The following MAN1C1 variants were observed in gnomAD, a reference collection of about 807,000 sequenced individuals.
MAN1C1 encodes mannosidase alpha class 1C member 1, also known as mannosyl-oligosaccharide 1,2-alpha-mannosidase IC.
In MAN1C1, 49 loss-of-function variants were observed where a neutral mutation model predicts 71.5. That is an observed-to-expected ratio of 0.69 (90% CI 0.54 to 0.87). MAN1C1 has a LOEUF of 0.87. Ranked by LOEUF, MAN1C1 falls within the 40% of genes least tolerant of loss-of-function variation. The pLI is 0.00. For synonymous variants in MAN1C1, 352 were observed against 343.7 expected, an observed-to-expected ratio of 1.02 and a Z score of -0.27; for missense variants, 743 against 835.0, an observed-to-expected ratio of 0.89 and a Z score of 1.36.
At chr1:25,643,206 T>C (rs1045920855) in intron 1 of MAN1C1, among the ~76,000 whole-genome samples, 2 of 151,618 alleles carry the variant, frequency 1.3e-5, no homozygotes, top group Non-Finnish European at 2.9e-5. Context: ...TTTGTCTGGC[T>C]GCAGTCCTTA....
At chr1:25,734,297 T>C (rs1281317576) in intron 2 of MAN1C1, among the ~76,000 whole-genome samples, 1 of 151,986 alleles carries the variant, frequency 6.6e-6, no homozygotes, top group Non-Finnish European at 1.5e-5. Flanking sequence ...CCCAGCTGAC[T>C]TTTGTATTTT....
intron 7 of MAN1C1, among the ~76,000 whole-genome samples, chr1:25,768,376 C>G (rs1481556530): frequency 8.0e-6 from 1 of 125,010 alleles, no homozygotes; most frequent in Non-Finnish European, 1.7e-5. Context: ...ACTCCCCCCA[C>G]ACACACTCCC....
intron 1 of MAN1C1, among the ~76,000 whole-genome samples, chr1:25,672,315 A>G (rs2046003929): frequency 6.6e-6 from 1 of 152,232 alleles, no homozygotes; most frequent in Admixed American, 6.5e-5. Context: ...TTCCTAACTC[A>G]ACCCACCAAC....
At chr1:25,767,547 TCA>T (rs1481475524) in intron 7 of MAN1C1, among the ~76,000 whole-genome samples, 50 of 96,658 alleles carry the variant, frequency 5.2e-4, no homozygotes, top group African/African-American at 2.1e-3. Flanking sequence ...CACACTCCCC[TCA>T]CACACACTCC....
Position 25,746,811 on chromosome 1 carries a change from G to A in MAN1C1, c.753+28G>A, listed in dbSNP as rs756676062. On this transcript the variant is annotated intron_variant, in intron 3 of 11. Transcript: ENST00000374332. The surrounding 1 kb of genome is among the most constrained non-coding windows in gnomAD (Gnocchi z 4.0). Reference sequence around the variant, plus strand: ...GAGTCAGAGGCCCTCGGCGGGGGAGGGGGGCGGGGGCCAGAAGAGGCCCAA... The same window carrying A: ...GAGTCAGAGGCCCTCGGCGGGGGAGAGGGGCGGGGGCCAGAAGAGGCCCAA... 3.8e-6 allele frequency: 5 copies of A among 1,301,676 alleles called. No individual in the cohort carries two copies. The South Asian group carries it at 6.3e-5, about 16-fold the overall frequency. 80.6% of individuals were successfully genotyped at this position (1,301,676 alleles called of 1,614,324 possible). A position where few individuals can be genotyped will look rare whatever the true frequency, so the allele number is the denominator to read the frequency against.
chr1:25,677,505 G>T (rs147214515), intron 1 of MAN1C1, among the ~76,000 whole-genome samples: 3 of 152,224 alleles, frequency 2.0e-5, no homozygotes, highest in Admixed American at 2.0e-4. Flanking sequence ...TTCTTTTGGT[G>T]CATAGTTCTC....
At chr1:25,705,935 C>G (rs1417957520) in intron 2 of MAN1C1, among the ~76,000 whole-genome samples, 2 of 152,080 alleles carry the variant, frequency 1.3e-5, no homozygotes, top group African/African-American at 4.8e-5. Flanking sequence ...AGAGCAAGAC[C>G]CTATGTCAGA....
chr1:25,640,203 A>G (rs1300246699), intron 1 of MAN1C1, among the ~76,000 whole-genome samples: 2 of 152,162 alleles, frequency 1.3e-5, no homozygotes, highest in African/African-American at 2.4e-5. Flanking sequence ...TGTGAAGTAA[A>G]TATCATATTT....
rs371699565 is a variant in MAN1C1, at chr1:25,717,016, C to T, written c.638-29652C>T. On this transcript the variant is annotated intron_variant, in intron 2 of 11. Coordinates refer to ENST00000374332, the MANE Select transcript of MAN1C1 (RefSeq NM_020379.4). ...GTCCATAGTTGCTCCTGTGTATTGT[C>T]GAGTAGTATTCCGTCATATGGATAT... 8.5e-5 allele frequency among the ~76,000 whole-genome samples: 13 copies of T among 152,178 alleles called. No homozygotes were observed. In the East Asian group the frequency reaches 2.1e-3, roughly 25 times the overall value.
At chr1:25,688,367 A>G (rs1029570095) in intron 2 of MAN1C1, among the ~76,000 whole-genome samples, 5 of 152,248 alleles carry the variant, frequency 3.3e-5, no homozygotes, top group African/African-American at 4.8e-5. Flanking sequence ...TTTTGCTGTT[A>G]GTATAAACAG....
chr1:25,781,192 T>TGG, intron 10 of MAN1C1, 80 bp downstream of exon 10: 2 of 1,525,038 alleles, frequency 1.3e-6, no homozygotes, highest in South Asian at 2.4e-5. Context: ...TGCCCTGGCT[T>TGG]GGGCCTGGAG....
chr1:25,750,332 G>A (rs569304680), intron 4 of MAN1C1, among the ~76,000 whole-genome samples: 5 of 152,282 alleles, frequency 3.3e-5, no homozygotes, highest in South Asian at 2.1e-4. Flanking sequence ...ATCTGGTGGC[G>A]AGGTTGGCTG....
chr1:25,687,896 ATCTTT>A (rs1258934739), intron 2 of MAN1C1, among the ~76,000 whole-genome samples: 11 of 151,632 alleles, frequency 7.3e-5, no homozygotes, highest in African/African-American at 2.7e-4. Context: ...CTTATTCTCA[ATCTTT>A]TCTTCTTTCT....
rs115805171 is a variant in MAN1C1 at position 25,637,307 on chromosome 1, C to T, written c.540+18970C>T. 3.3e-3 allele frequency among the ~76,000 whole-genome samples: 495 copies of T among 152,138 alleles called. 4 individuals carry two copies. The highest frequency in any genetic ancestry group is 0.011 in the African/African-American group (472 of 41,502). On this transcript the variant is annotated intron_variant, in intron 1 of 11. Transcript: ENST00000374332. ...TTTCCTTCCTTCTGCCTATGTTGAG[C>T]TTAATTCACTTTGTTTTTTCTAACT...
rs753370692 is a variant in MAN1C1, at chr1:25,771,757, C to T, written c.1242C>T (p.Tyr414=). 1.2e-6 allele frequency: 2 copies of T among 1,613,184 alleles called. No homozygotes were observed. Among genetic ancestry groups the T allele is most frequent in the Non-Finnish European group, 1.7e-6 (2 of 1,179,204 alleles). ...GKTDMEAKNM[Y]YEALEAIETY... Reference sequence around the variant, plus strand: ...CAGATATGGAGGCTAAAAATATGTACTACGAAGCCTTGGAGGTAAGACAAG... The same window carrying T: ...CAGATATGGAGGCTAAAAATATGTATTACGAAGCCTTGGAGGTAAGACAAG... The change falls in exon 8 of 12, where the codon TAC becomes TAT. Residue 414 remains tyrosine (Y), a synonymous_variant. Coordinates refer to ENST00000374332, the MANE Select transcript of MAN1C1 (RefSeq NM_020379.4).
rs972275400 is a variant in MAN1C1 at position 25,776,432 on chromosome 1, T to C, written c.1258-1673T>C. Among the ~76,000 whole-genome samples the C allele has an allele frequency of 3.3e-5, 5 of 152,088 alleles. No individual in the cohort carries two copies. Among genetic ancestry groups the C allele is most frequent in the Admixed American group, 3.3e-4 (5 of 15,272 alleles). On this transcript the variant is annotated intron_variant, in intron 8 of 11. Transcript: ENST00000374332. This position sits in a 1 kb window ranked among gnomAD's most constrained non-coding sequence, Gnocchi z 4.3. The stretch of plus-strand genomic sequence containing the variant: ...CGGGGGTGGTGGCACACGCCTATAA[T>C]TACCCAGCTACTTGGGAGGCTGAGG...
Position 25,704,730 on chromosome 1 carries a change from T to G in MAN1C1, c.637+18194T>G, listed in dbSNP as rs565835134. ...GAGAGCTGATTTGTGCCCCCAAATT[T>G]TCTCATCTCAGCAGGCAGGGTCTCT... On this transcript the variant is annotated intron_variant, in intron 2 of 11. Transcript: ENST00000374332. Among the ~76,000 whole-genome samples the G allele has an allele frequency of 2.6e-5, 4 of 152,360 alleles. No individual in the cohort carries two copies. The South Asian group carries it at 8.3e-4, about 32-fold the overall frequency.
chr1:25,657,615 A>G (rs757537971), intron 1 of MAN1C1, among the ~76,000 whole-genome samples: 2 of 152,194 alleles, frequency 1.3e-5, no homozygotes, highest in African/African-American at 4.8e-5. Flanking sequence ...GTTGTACTTC[A>G]GTTCTATTTA....
chr1:25,770,800 T>C (rs1360408630), intron 7 of MAN1C1, among the ~76,000 whole-genome samples: 1 of 146,218 alleles, frequency 6.8e-6, no homozygotes, highest in African/African-American at 2.5e-5. Context: ...CGCCCCGCCT[T>C]CAGTCCACCC....
Sources: gnomAD v4.1 joint callset for allele counts (sites outside exome capture counted in the v4.1 genomes callset) on GRCh38, gnomAD v4.1.1 for gene constraint, Gnocchi (gnomAD v3.1) non-coding constraint, MANE v1.5 for transcripts, NCBI Gene and HGNC (gene_info 2026-07-23, HGNC 2026-07-21) for gene names.